CNTN6: variants seen among roughly 807,000 people sequenced by gnomAD.
CNTN6 encodes contactin-6.
A neutral mutation model predicts 122.8 loss-of-function variants in CNTN6; 137 were observed. That is an observed-to-expected ratio of 1.12 (90% CI 0.97 to 1.29). The LOEUF (loss-of-function observed/expected upper bound fraction) is 1.29. CNTN6 is among the 50% of genes most tolerant of loss of function. The pLI, the probability that CNTN6 is intolerant of heterozygous loss-of-function variation, is 0.00. For missense variants in CNTN6, 1,634 were observed against 1,223.4 expected (o/e 1.34, Z -5.01); for synonymous variants, 570 against 426.0 (o/e 1.34, Z -4.16).
chr3:1,206,951 T>A (rs2093966122), intron 2 of CNTN6, among the ~76,000 whole-genome samples: 1 of 152,188 alleles, frequency 6.6e-6, no homozygotes. Context: ...GTGTGATCTT[T>A]AGTTGTTGCT....
chr3:1,275,891 C>G (rs990089950), intron 4 of CNTN6, among the ~76,000 whole-genome samples: 28 of 152,156 alleles, frequency 1.8e-4, no homozygotes, highest in African/African-American at 6.8e-4. Flanking sequence ...CACTCATCTC[C>G]TGCTGCGTGG....
chr3:1,204,577 T>C (rs2093932391), intron 2 of CNTN6, among the ~76,000 whole-genome samples: 1 of 152,194 alleles, frequency 6.6e-6, no homozygotes, highest in Non-Finnish European at 1.5e-5. Context: ...CTCTTTGCTG[T>C]CTGACTTCTT....
At chr3:1,098,063 T>TC (rs1209980237) in intron 1 of CNTN6, among the ~76,000 whole-genome samples, 1 of 148,022 alleles carries the variant, frequency 6.8e-6, no homozygotes, top group Non-Finnish European at 1.5e-5. Flanking sequence ...CACCAAGCAA[T>TC]TGGACATGAT....
chr3:1,244,838 CTCAAGGGTGGGGAGAATTACAAAGAA>C (rs2094538351), intron 4 of CNTN6, among the ~76,000 whole-genome samples: 1 of 150,776 alleles, frequency 6.6e-6, no homozygotes, highest in Non-Finnish European at 1.5e-5. Context: ...AAAGTACATT[CTCAAGGGTGGGGAGAATTACAAAGAA>C]CCTTCTTAAG....
intron 1 of CNTN6, among the ~76,000 whole-genome samples, chr3:1,110,913 G>A (rs916857535): frequency 5.9e-5 from 9 of 152,128 alleles, no homozygotes; most frequent in East Asian, 1.9e-4. Context: ...TAAAGAACTC[G>A]AATTTTAGAG....
Position 1,373,977 on chromosome 3 carries a change from C to A in CNTN6, c.1999C>A (p.Pro667Thr). The change falls in exon 16 of 23, where the codon CCT becomes ACT. Residue 667 changes from proline (P) to threonine (T), a missense_variant. Transcript: ENST00000446702. ...TYNATVVGLS[P>T]WVEYEFRVVA... ...CAATGCAACAGTGGTTGGTTTGAGT[C>A]CTTGGGTGGAATATGAATTTCGTGT... is the stretch of plus-strand genomic sequence containing the variant. 6.2e-7 allele frequency: 1 copy of A among 1,613,080 alleles called. No individual in the cohort carries two copies.
intron 1 of CNTN6, among the ~76,000 whole-genome samples, chr3:1,097,495 G>C (rs936844026): frequency 2.0e-5 from 3 of 152,168 alleles, no homozygotes; most frequent in Admixed American, 1.3e-4. Flanking sequence ...TTACTAAAAA[G>C]CAAATAGCAA....
chr3:1,171,547 C>A (rs201443588), intron 2 of CNTN6, among the ~76,000 whole-genome samples: 8,393 of 152,258 alleles, frequency 0.055, 337 homozygotes, highest in Non-Finnish European at 0.083. Context: ...TTGTGACAAC[C>A]AAAAACTGGC....
chr3:1,102,699 G>A (rs191683079), intron 1 of CNTN6, among the ~76,000 whole-genome samples: 7 of 150,492 alleles, frequency 4.7e-5, no homozygotes, highest in Admixed American at 4.0e-4. Flanking sequence ...CCGCCCTCCA[G>A]CCTGGGCGAC....
At chr3:1,222,092 T>A (rs1256264655) in intron 3 of CNTN6, among the ~76,000 whole-genome samples, 7 of 152,318 alleles carry the variant, frequency 4.6e-5, no homozygotes, top group African/African-American at 1.7e-4. Flanking sequence ...CTTCAGTGTC[T>A]TCTTTTTACA....
chr3:1,354,448 T>C (rs1304413134), intron 12 of CNTN6, among the ~76,000 whole-genome samples: 1 of 151,438 alleles, frequency 6.6e-6, no homozygotes, highest in East Asian at 1.9e-4. Context: ...GAAACAAAAT[T>C]ATCCCACTAG....
At chr3:1,159,829 TC>T (rs201272814) in intron 2 of CNTN6, among the ~76,000 whole-genome samples, 2,239 of 151,698 alleles carry the variant, frequency 0.015, 62 homozygotes, top group African/African-American at 0.051. Flanking sequence ...TTTTTCTTTT[TC>T]CCCCCCTCAA....
At chr3:1,384,503 C>G (rs1306368397) in intron 19 of CNTN6, among the ~76,000 whole-genome samples, 1 of 143,646 alleles carries the variant, frequency 7.0e-6, no homozygotes, top group Non-Finnish European at 1.5e-5. Flanking sequence ...CATTTGTAGG[C>G]CTTCATCTCA....
chr3:1,172,083 C>T (rs945775003), intron 2 of CNTN6, among the ~76,000 whole-genome samples: 3 of 152,122 alleles, frequency 2.0e-5, no homozygotes, highest in Admixed American at 2.0e-4. Flanking sequence ...ATGGAGGTGA[C>T]AGACAATTCA....
chr3:1,256,205 A>G (rs537775492), intron 4 of CNTN6, among the ~76,000 whole-genome samples: 1 of 152,280 alleles, frequency 6.6e-6, no homozygotes, highest in African/African-American at 2.4e-5. Flanking sequence ...TATTTGCTTT[A>G]TCTGTATTAA....
intron 1 of CNTN6, among the ~76,000 whole-genome samples, chr3:1,146,186 C>T (rs1157728482): frequency 2.6e-5 from 4 of 152,136 alleles, no homozygotes; most frequent in African/African-American, 9.7e-5. Flanking sequence ...TCAACATTCT[C>T]AATTATGATC....
At chr3:1,307,429 G>A (rs960298964) in intron 7 of CNTN6, among the ~76,000 whole-genome samples, 4 of 151,808 alleles carry the variant, frequency 2.6e-5, no homozygotes, top group African/African-American at 7.3e-5. Flanking sequence ...AATAGTTTTA[G>A]AACAGAAATA....
At chr3:1,250,108 T>C (rs73109274) in intron 4 of CNTN6, among the ~76,000 whole-genome samples, 42 of 152,336 alleles carry the variant, frequency 2.8e-4, no homozygotes, top group Middle Eastern at 6.8e-3. Context: ...AATATTATTA[T>C]TGCTATAAAT....
chr3:1,262,360 C>T (rs1458210241), intron 4 of CNTN6, among the ~76,000 whole-genome samples: 1 of 152,074 alleles, frequency 6.6e-6, no homozygotes, highest in African/African-American at 2.4e-5. Context: ...GATATTCATG[C>T]AAAGCAGAGT....
Sources: allele counts gnomAD v4.1 joint callset (sites outside exome capture counted in the v4.1 genomes callset), GRCh38; gene constraint gnomAD v4.1.1; transcripts MANE v1.5; gene names NCBI Gene and HGNC (gene_info 2026-07-23, HGNC 2026-07-21).